B4GALNT3: variants seen among roughly 807,000 people sequenced by gnomAD.
B4GALNT3 encodes beta-1,4-N-acetylgalactosaminyltransferase 3.
In B4GALNT3, 86 loss-of-function variants were observed where a neutral mutation model predicts 120.2. That is an observed-to-expected ratio of 0.72 (90% CI 0.60 to 0.86). B4GALNT3 has a LOEUF of 0.86. Among genes scored for constraint, B4GALNT3 ranks in the 40% least tolerant of loss-of-function variants. The pLI is 0.00. For missense variants in B4GALNT3, 1,167 were observed against 1,298.9 expected, an observed-to-expected ratio of 0.90 and a Z score of 1.56; for synonymous variants, 518 against 510.4, an observed-to-expected ratio of 1.01 and a Z score of -0.20.
chr12:552,232 T>C, intron 12 of B4GALNT3, 69 bp downstream of exon 12: 7 of 1,389,998 alleles, frequency 5.0e-6, no homozygotes, highest in Non-Finnish European at 5.1e-6. Flanking sequence ...GAGAGCTGCC[T>C]GGACCAGGGT....
intron 1 of B4GALNT3, among the ~76,000 whole-genome samples, chr12:521,971 T>TC (rs1049639783): frequency 6.8e-6 from 1 of 147,890 alleles, no homozygotes; most frequent in African/African-American, 2.5e-5. Flanking sequence ...CAGAAGTTCT[T>TC]TTTTTTTTTT....
intron 1 of B4GALNT3, among the ~76,000 whole-genome samples, chr12:500,865 C>CTTTTTTTTTTTTTTGTTTTTT (rs1946433698): frequency 1.6e-5 from 1 of 61,830 alleles, no homozygotes; most frequent in Non-Finnish European, 2.7e-5. Context: ...GGCTCCACTG[C>CTTTTTTTTTTTTTTGTTTTTT]TTTTTTTTTT....
At chr12:466,480 A>G (rs1946082456) in intron 1 of B4GALNT3, among the ~76,000 whole-genome samples, 1 of 152,246 alleles carries the variant, frequency 6.6e-6, no homozygotes, top group East Asian at 1.9e-4. Context: ...CAACTAGGCC[A>G]ACCAGACATT....
intron 3 of B4GALNT3, 117 bp from the exon 4 acceptor site, chr12:544,222 T>C (rs1227983926): frequency 2.3e-6 from 2 of 884,024 alleles, no homozygotes; most frequent in African/African-American, 1.7e-5. Flanking sequence ...GGGGTGCTCA[T>C]CCTCCTGGAG....
intron 3 of B4GALNT3, chr12:543,250 G>A (rs1374967635): frequency 1.6e-6 from 2 of 1,251,942 alleles, no homozygotes; most frequent in Admixed American, 2.3e-5. Context: ...ATGGGATAGA[G>A]TGGGCCGGAC....
intron 1 of B4GALNT3, among the ~76,000 whole-genome samples, chr12:490,494 T>C (rs958689406): frequency 5.9e-5 from 9 of 152,220 alleles, no homozygotes; most frequent in African/African-American, 1.9e-4. Context: ...CCTAGCACTT[T>C]GGGAGGCAGA....
Position 553,983 on chromosome 12 carries a change from G to A in B4GALNT3, c.2060G>A (p.Gly687Glu), listed in dbSNP as rs190177099. ...AAGAAGCTCAACCAGAGGAGCCGGG[G>A]GTAAGGTAAAGGGCTCTCCTGGGGC... Reference protein sequence around the residue: ...FLKKLNQRSRGRYQLQRIVNV... With the variant: ...FLKKLNQRSRERYQLQRIVNV... Residue 687 changes from glycine (G) to glutamate (E), a missense_variant and splice_region_variant, in exon 14 of 20, where the codon GGG becomes GAG. By Grantham distance (98) the Gly-to-Glu change is moderately conservative. Coordinates refer to ENST00000266383, the MANE Select transcript of B4GALNT3 (RefSeq NM_173593.4). 4 of 1,608,496 alleles carry A rather than the reference G, an allele frequency of 2.5e-6. No homozygotes were observed. The highest frequency in any genetic ancestry group is 2.2e-5 in the East Asian group (1 of 44,852).
intron 3 of B4GALNT3, among the ~76,000 whole-genome samples, chr12:537,535 G>A (rs1468715114): frequency 2.0e-5 from 3 of 152,162 alleles, no homozygotes. Flanking sequence ...GAGATTACAG[G>A]CATGAACCAC....
chr12:561,257 G>C, intron 19 of B4GALNT3, 86 bp from the exon 20 acceptor site: 4 of 1,002,706 alleles, frequency 4.0e-6, no homozygotes, highest in Non-Finnish European at 6.2e-6. Flanking sequence ...CGTGGGGAGC[G>C]AACAGAGGGT....
In B4GALNT3 at chr12:550,776, C is replaced by T; in HGVS notation, c.998-146C>T. 1 of 651,354 alleles carries T rather than the reference C, an allele frequency of 1.5e-6. No individual in the cohort carries two copies. The allele number at this position is 651,354 out of a possible 1,614,324, so 40.3% of individuals were successfully genotyped here. On this transcript the variant is annotated intron_variant, in intron 10 of 19. Coordinates refer to ENST00000266383, the MANE Select transcript of B4GALNT3 (RefSeq NM_173593.4). The surrounding 1 kb of genome is among the most constrained non-coding windows in gnomAD (Gnocchi z 4.1). ...GCCCTGCTCCAGGTGCGTGGGGCAG[C>T]CTCCAGCTGGCAGCCTCAGCCACAG...
chr12:495,594 A>G (rs867668635), intron 1 of B4GALNT3, among the ~76,000 whole-genome samples: 9 of 152,244 alleles, frequency 5.9e-5, no homozygotes, highest in African/African-American at 9.6e-5. Flanking sequence ...CAGGTTGTTC[A>G]CTGCAGAGAT....
In B4GALNT3 at chr12:552,335, A is replaced by ACACACACACACACACACC. The variant is rs1491522563; in HGVS notation, c.1209-131_1209-130insACACACACACACACACCC. 6.2e-6 allele frequency: 5 copies of ACACACACACACACACACC among 806,838 alleles called. No individual in the cohort carries two copies. In the African/African-American group the frequency reaches 7.6e-5, roughly 12 times the overall value. 50.0% of individuals were successfully genotyped at this position (806,838 alleles called of 1,614,324 possible). A position where few individuals can be genotyped will look rare whatever the true frequency, so the allele number is the denominator to read the frequency against. Reference sequence around the variant, plus strand: ...CACACACACACACACACACACACACACCCGCTCACCAGCCTCCTTCCTCCA... The same window carrying ACACACACACACACACACC: ...CACACACACACACACACACACACACACACACACACACACACACCCCCGCTCACCAGCCTCCTTCCTCCA... On this transcript the variant is annotated intron_variant, in intron 12 of 19. Coordinates refer to ENST00000266383, the MANE Select transcript of B4GALNT3 (RefSeq NM_173593.4).
rs180798783 is a variant in B4GALNT3, at chr12:550,061, A to G, written c.997+149A>G. The G allele has an allele frequency of 6.7e-5, 57 of 844,520 alleles. 1 individual carries two copies. The highest frequency in any genetic ancestry group is 5.3e-4 in the African/African-American group (31 of 58,362). The allele number at this position is 844,520 out of a possible 1,614,324, so 52.3% of individuals were successfully genotyped here. ...TCCTTGTAACATAGAACATGCATAC[A>G]GAAAAGAGAGCATGTAAATAAGTAT... On this transcript the variant is annotated intron_variant, in intron 10 of 19. Coordinates refer to ENST00000266383, the MANE Select transcript of B4GALNT3 (RefSeq NM_173593.4). The surrounding 1 kb of genome is among the most constrained non-coding windows in gnomAD (Gnocchi z 4.1).
rs781469775 is a variant in B4GALNT3, at chr12:548,242, C to G, written c.798C>G (p.Asn266Lys). 1.2e-6 allele frequency: 2 copies of G among 1,614,062 alleles called. No homozygotes were observed. The highest frequency in any genetic ancestry group is 1.6e-4 in the Middle Eastern group (1 of 6,062). Residue 266 changes from asparagine to lysine, a missense_variant, in exon 9 of 20, where the codon AAC becomes AAG. Asn to Lys is a moderately conservative substitution (Grantham distance 94). This residue lies in a region of B4GALNT3 where 983 missense variants were observed against 1,102.5 expected (regional missense o/e 0.89). Coordinates refer to ENST00000266383, the MANE Select transcript of B4GALNT3 (RefSeq NM_173593.4). This position sits in a 1 kb window ranked among gnomAD's most constrained non-coding sequence, Gnocchi z 4.9. ...CTCTCCTCTTCCAGTGGCGACGGAA[C>G]GACCCTGGAGCCAAGTTCACCATCA... is the stretch of plus-strand genomic sequence containing the variant. The part of the protein sequence containing the change: ...TDHVEVAWRR[N>K]DPGAKFTIID...
chr12:530,886 G>A (rs993396168), intron 1 of B4GALNT3, among the ~76,000 whole-genome samples: 2 of 152,180 alleles, frequency 1.3e-5, no homozygotes, highest in Non-Finnish European at 2.9e-5. Flanking sequence ...CCAGCTTTGT[G>A]AGGGCAGAAT....
intron 3 of B4GALNT3, among the ~76,000 whole-genome samples, chr12:541,329 A>T (rs1385154344): frequency 6.6e-6 from 1 of 152,210 alleles, no homozygotes; most frequent in Non-Finnish European, 1.5e-5. Flanking sequence ...GTTCCAACAG[A>T]TATCTTCTCC....
At chr12:529,390 G>A (rs530925717) in intron 1 of B4GALNT3, among the ~76,000 whole-genome samples, 12 of 152,276 alleles carry the variant, frequency 7.9e-5, no homozygotes, top group Non-Finnish European at 1.3e-4. Flanking sequence ...TGCGCCATCC[G>A]CTGGGTTGAG....
chr12:504,492 C>T (rs1946477183), intron 1 of B4GALNT3, among the ~76,000 whole-genome samples: 1 of 148,094 alleles, frequency 6.8e-6, no homozygotes, highest in African/African-American at 2.5e-5. Context: ...TGGCGTCTCA[C>T]TCTGTTGCCC....
At chr12:535,894 C>A (rs1056256331) in intron 2 of B4GALNT3, among the ~76,000 whole-genome samples, 5 of 152,140 alleles carry the variant, frequency 3.3e-5, no homozygotes, top group African/African-American at 1.2e-4. Context: ...CCCTGAGGGG[C>A]TCCCACTTGT....
Sources: gnomAD v4.1 joint callset for allele counts (sites outside exome capture counted in the v4.1 genomes callset) on GRCh38, gnomAD v4.1.1 for gene constraint, gnomAD v4.1.1 regional missense constraint, Gnocchi (gnomAD v3.1) non-coding constraint, MANE v1.5 for transcripts, NCBI Gene and HGNC (gene_info 2026-07-23, HGNC 2026-07-21) for gene names.